FOXP2: variants seen among roughly 807,000 people sequenced by gnomAD.
FOXP2 encodes the protein forkhead box P2, also known as forkhead box protein P2.
A neutral mutation model predicts 115.8 loss-of-function variants in FOXP2; 12 were observed. That is an observed-to-expected ratio of 0.10 (90% CI 0.07 to 0.17). FOXP2 has a LOEUF of 0.17. Among genes scored for constraint, FOXP2 ranks in the 10% least tolerant of loss-of-function variants. The probability of loss-of-function intolerance (pLI) is 1.00; values close to 1 mark genes in which losing one functional copy is unlikely to be tolerated. For missense variants in FOXP2, 629 were observed against 843.5 expected (o/e 0.75, Z 3.15); for synonymous variants, 328 against 297.7 (o/e 1.10, Z -1.05).
chr7:114,345,668 A>C (rs1172243784), intron 2 of FOXP2, among the ~76,000 whole-genome samples: 1 of 151,672 alleles, frequency 6.6e-6, no homozygotes. Flanking sequence ...TTTAGGGCTT[A>C]GGGAGTGAAA....
chr7:114,187,103 A>G (rs149612891), intron 1 of FOXP2, among the ~76,000 whole-genome samples: 2 of 152,116 alleles, frequency 1.3e-5, no homozygotes, highest in Admixed American at 1.3e-4. Flanking sequence ...ATCCATACTC[A>G]TCTCCTTATC....
chr7:114,166,927 G>A (rs753540845), intron 1 of FOXP2, among the ~76,000 whole-genome samples: 1 of 152,188 alleles, frequency 6.6e-6, no homozygotes, highest in Non-Finnish European at 1.5e-5. Flanking sequence ...AACACCAAAT[G>A]ATGGTGAGGA....
chr7:114,271,601 T>C (rs927426966), intron 1 of FOXP2, among the ~76,000 whole-genome samples: 2 of 124,136 alleles, frequency 1.6e-5, no homozygotes, highest in African/African-American at 6.2e-5. Flanking sequence ...TATAATATAA[T>C]ATTAATATAT....
chr7:114,244,895 A>G (rs183810507), intron 1 of FOXP2, among the ~76,000 whole-genome samples: 7,335 of 151,058 alleles, frequency 0.049, 217 homozygotes, highest in South Asian at 0.11. Context: ...CCGAGTAGCT[A>G]GGACTACAGG....
At chr7:114,272,599 G>A (rs937720014) in intron 1 of FOXP2, among the ~76,000 whole-genome samples, 3 of 151,740 alleles carry the variant, frequency 2.0e-5, no homozygotes, top group African/African-American at 7.3e-5. Context: ...CTTCTTATAT[G>A]AGTTTTGGCA....
intron 3 of FOXP2, among the ~76,000 whole-genome samples, chr7:114,625,155 A>G (rs1242895687): frequency 6.6e-6 from 1 of 151,718 alleles, no homozygotes; most frequent in Non-Finnish European, 1.5e-5. Flanking sequence ...AGCAAAGTAA[A>G]TACCAAGAGA....
At chr7:114,614,427 T>C (rs1406894867) in intron 3 of FOXP2, among the ~76,000 whole-genome samples, 1 of 152,228 alleles carries the variant, frequency 6.6e-6, no homozygotes, top group Admixed American at 6.5e-5. Context: ...TTAGGGAAAT[T>C]ATGAGTTGAA....
At chr7:114,565,094 C>A (rs1375712447) in intron 3 of FOXP2, among the ~76,000 whole-genome samples, 1 of 149,540 alleles carries the variant, frequency 6.7e-6, no homozygotes, top group African/African-American at 2.5e-5. Flanking sequence ...TTATTGTATG[C>A]AACCAATTTT....
At chr7:114,507,053 C>G (rs1021802879) in intron 2 of FOXP2, among the ~76,000 whole-genome samples, 1 of 151,698 alleles carries the variant, frequency 6.6e-6, no homozygotes, top group African/African-American at 2.4e-5. Flanking sequence ...AATAACCACT[C>G]ATCTCTAAAA....
intron 1 of FOXP2, among the ~76,000 whole-genome samples, chr7:114,153,441 C>G (rs1201472175): frequency 6.6e-6 from 1 of 151,990 alleles, no homozygotes; most frequent in African/African-American, 2.4e-5. Flanking sequence ...ATGCTTATGA[C>G]GTAGAAAGTA....
chr7:114,445,055 T>C (rs1482059210), intron 2 of FOXP2, among the ~76,000 whole-genome samples: 2 of 152,136 alleles, frequency 1.3e-5, no homozygotes, highest in Non-Finnish European at 2.9e-5. Context: ...AGTGGCTTTT[T>C]TTTTTCTATT....
chr7:114,187,102 C>T (rs1448526468), intron 1 of FOXP2, among the ~76,000 whole-genome samples: 1 of 152,210 alleles, frequency 6.6e-6, no homozygotes, highest in Non-Finnish European at 1.5e-5. Context: ...CATCCATACT[C>T]ATCTCCTTAT....
In FOXP2 at chr7:114,682,441, G is replaced by A. The variant is rs148122724; in HGVS notation, c.2004-7341G>A. 2.4e-3 allele frequency among the ~76,000 whole-genome samples: 368 copies of A among 152,250 alleles called. 4 individuals carry two copies. The East Asian group carries it at 0.04, about 17-fold the overall frequency. ...AGGATTCATAATGAAGAATTGGTGAGCACAGAAGAGAGTTTCTTTAAAGGG... is the reference window on the plus strand; with the variant it reads ...AGGATTCATAATGAAGAATTGGTGAACACAGAAGAGAGTTTCTTTAAAGGG... On this transcript the variant is annotated intron_variant, in intron 16 of 16. Coordinates refer to ENST00000350908, the MANE Select transcript of FOXP2 (RefSeq NM_014491.4).
chr7:114,522,785 CA>C (rs1165490634), intron 2 of FOXP2, among the ~76,000 whole-genome samples: 1 of 152,002 alleles, frequency 6.6e-6, no homozygotes, highest in African/African-American at 2.4e-5. Flanking sequence ...TAATTTACCA[CA>C]TAATATGCTA....
chr7:114,497,861 G>C (rs1033752188), intron 2 of FOXP2, among the ~76,000 whole-genome samples: 4 of 152,028 alleles, frequency 2.6e-5, no homozygotes, highest in African/African-American at 9.7e-5. Context: ...ATTATCCTAA[G>C]AATGATCCTT....
intron 6 of FOXP2, among the ~76,000 whole-genome samples, chr7:114,636,870 T>A (rs769867856): frequency 6.6e-6 from 1 of 152,122 alleles, no homozygotes; most frequent in Non-Finnish European, 1.5e-5. Context: ...ACTCTGAATA[T>A]GGGATTAAGG....
intron 2 of FOXP2, among the ~76,000 whole-genome samples, chr7:114,400,074 T>C (rs936540053): frequency 3.3e-5 from 5 of 151,716 alleles, no homozygotes; most frequent in Admixed American, 6.6e-5. Context: ...TGGCCAGGCT[T>C]GTCTTGAACT....
intron 6 of FOXP2, among the ~76,000 whole-genome samples, chr7:114,641,604 G>C (rs1053372761): frequency 3.3e-5 from 5 of 151,776 alleles, no homozygotes; most frequent in Non-Finnish European, 7.4e-5. Flanking sequence ...TTTTTGAGTT[G>C]AGTGTTCACT....
At chr7:114,170,204 T>G (rs1181337497) in intron 1 of FOXP2, among the ~76,000 whole-genome samples, 2 of 152,200 alleles carry the variant, frequency 1.3e-5, no homozygotes, top group Admixed American at 6.5e-5. Flanking sequence ...GTTACTATTA[T>G]AATTGTTTGG....
Sources: allele counts gnomAD v4.1 joint callset (sites outside exome capture counted in the v4.1 genomes callset), GRCh38; gene constraint gnomAD v4.1.1; transcripts MANE v1.5; gene names NCBI Gene and HGNC (gene_info 2026-07-23, HGNC 2026-07-21).